MTMR3: variants seen among roughly 807,000 people sequenced by gnomAD.
MTMR3 encodes phosphatidylinositol-3,5-bisphosphate 3-phosphatase MTMR3.
In MTMR3, 32 loss-of-function variants were observed where a neutral mutation model predicts 132.4. That is an observed-to-expected ratio of 0.24 (90% CI 0.18 to 0.32). The LOEUF is 0.32. Ranked by LOEUF, MTMR3 falls within the 10% of genes least tolerant of loss-of-function variation. The pLI is 1.00. For synonymous variants in MTMR3, 556 were observed against 550.3 expected, an observed-to-expected ratio of 1.01 and a Z score of -0.14; for missense variants, 1,216 against 1,489.6, an observed-to-expected ratio of 0.82 and a Z score of 3.02.
chr22:29,955,786 C>T (rs1469546896), intron 1 of MTMR3, among the ~76,000 whole-genome samples: 1 of 152,094 alleles, frequency 6.6e-6, no homozygotes, highest in Non-Finnish European at 1.5e-5. Context: ...GAATCTCACA[C>T]TGTCGCCAAG....
At position 30,026,715 on chromosome 22, in the gene MTMR3, TCCTC is replaced by T. The variant is rs2067917956; in HGVS notation, c.*915_*918del. The stretch of plus-strand genomic sequence containing the variant: ...GGGCCTGGTCCCCTAAACAATCTCT[TCCTC>T]AGCCAGCACAGGGAAATCCAGACTC... On this transcript the variant is annotated 3_prime_UTR_variant, in exon 20 of 20. Coordinates refer to ENST00000401950, the MANE Select transcript of MTMR3 (RefSeq NM_021090.4). 6.5e-6 allele frequency: 1 copy of T among 152,832 alleles called. No individual in the cohort carries two copies. Among genetic ancestry groups the T allele is most frequent in the Non-Finnish European group, 1.5e-5 (1 of 68,140 alleles). The allele number at this position is 152,832 out of a possible 1,614,324, so 9.5% of individuals were successfully genotyped here.
intron 11 of MTMR3, chr22:30,008,445 T>G (rs2067323658): frequency 5.9e-6 from 1 of 168,582 alleles, no homozygotes; most frequent in Non-Finnish European, 1.3e-5. Context: ...AAACCTGGGG[T>G]GAAAATTGAA....
intron 1 of MTMR3, among the ~76,000 whole-genome samples, chr22:29,898,295 C>T (rs1161515278): frequency 6.6e-6 from 1 of 152,150 alleles, no homozygotes; most frequent in South Asian, 2.1e-4. Flanking sequence ...TAAATTAGCT[C>T]TTTTTCTCCC....
intron 1 of MTMR3, among the ~76,000 whole-genome samples, chr22:29,955,537 A>G (rs1182927441): frequency 7.9e-5 from 12 of 152,222 alleles, no homozygotes; most frequent in Admixed American, 7.2e-4. Context: ...ACTGGTCTTC[A>G]TACTAAATAC....
At chr22:29,982,542 A>C (rs2066769946) in intron 5 of MTMR3, 1 of 152,222 alleles carries the variant, frequency 6.6e-6, no homozygotes, top group Non-Finnish European at 1.5e-5. Flanking sequence ...AAGCCCAGAC[A>C]TACCAGCATA....
chr22:29,893,554 G>C (rs1397956677), intron 1 of MTMR3, among the ~76,000 whole-genome samples: 2 of 152,104 alleles, frequency 1.3e-5, no homozygotes. Flanking sequence ...TGTACATATG[G>C]TTGACTTACT....
At chr22:29,949,144 C>CACACACACACA (rs1491241499) in intron 1 of MTMR3, among the ~76,000 whole-genome samples, 2 of 14,100 alleles carry the variant, frequency 1.4e-4, no homozygotes, top group African/African-American at 4.8e-4. Context: ...CACACACACA[C>CACACACACACA]CCCCCCCCCC....
At chr22:29,996,515 T>G (rs778675213) in intron 7 of MTMR3, 4 of 152,146 alleles carry the variant, frequency 2.6e-5, no homozygotes, top group Non-Finnish European at 5.9e-5. Flanking sequence ...GGTGTTAATG[T>G]AAAAGATCAT....
At chr22:29,888,327 A>G (rs1489324706) in intron 1 of MTMR3, among the ~76,000 whole-genome samples, 2 of 152,126 alleles carry the variant, frequency 1.3e-5, no homozygotes, top group African/African-American at 4.8e-5. Flanking sequence ...GATTGTAGAC[A>G]TGAGCCACTG....
intron 1 of MTMR3, among the ~76,000 whole-genome samples, chr22:29,907,929 G>GTAAT (rs1461720132): frequency 1.3e-5 from 2 of 152,172 alleles, no homozygotes; most frequent in East Asian, 3.8e-4. Flanking sequence ...TCACCAAGGA[G>GTAAT]TAATGATAGA....
chr22:29,957,473 A>T (rs2066222700), intron 2 of MTMR3, among the ~76,000 whole-genome samples: 1 of 150,884 alleles, frequency 6.6e-6, no homozygotes, highest in East Asian at 1.9e-4. Flanking sequence ...ATATTTTTTG[A>T]GACAGTCTTG....
intron 1 of MTMR3, among the ~76,000 whole-genome samples, chr22:29,889,608 T>TAA (rs953883363): frequency 1.3e-5 from 2 of 149,982 alleles, no homozygotes; most frequent in African/African-American, 4.9e-5. Context: ...TAGTGTTTTT[T>TAA]AAAAAAAAAA....
rs1035946692 is a variant in MTMR3 at position 30,017,918 on chromosome 22, C to G, written c.1675-9C>G. Reference sequence around the variant, plus strand: ...GCATATTTAAACCTGTGTCCTCCCCCCTCCTCAGGTGCTGTACCCTGTGTG... The same window carrying G: ...GCATATTTAAACCTGTGTCCTCCCCGCTCCTCAGGTGCTGTACCCTGTGTG... On this transcript the variant is annotated splice_polypyrimidine_tract_variant and intron_variant, in intron 15 of 19. Coordinates refer to ENST00000401950, the MANE Select transcript of MTMR3 (RefSeq NM_021090.4). The G allele has an allele frequency of 5.0e-6, 8 of 1,612,598 alleles. No homozygotes were observed. The highest frequency in any genetic ancestry group is 4.5e-5 in the East Asian group (2 of 44,720).
intron 1 of MTMR3, among the ~76,000 whole-genome samples, chr22:29,896,684 A>T (rs1323229871): frequency 1.3e-5 from 2 of 152,214 alleles, no homozygotes; most frequent in African/African-American, 2.4e-5. Flanking sequence ...AAAATACGTT[A>T]TTAGCAAGAA....
intron 6 of MTMR3, 159 bp from the exon 7 acceptor site, chr22:29,991,345 T>C (rs187672819): frequency 6.7e-5 from 39 of 582,132 alleles, no homozygotes; most frequent in Non-Finnish European, 1.1e-4. Flanking sequence ...GTTTTTCTTA[T>C]AAGTGATAAT....
rs1278147472 is a variant in MTMR3, at chr22:29,921,841, CT to C, written c.-137-35183del. On this transcript the variant is annotated intron_variant, in intron 1 of 19. Coordinates refer to ENST00000401950, the MANE Select transcript of MTMR3 (RefSeq NM_021090.4). Reference sequence around the variant, plus strand: ...TAATGTCTTTAAGGTACATCCATGTCTTTTTTTTTTTTCTTTTTTTTTTTTG... The same window carrying C: ...TAATGTCTTTAAGGTACATCCATGTCTTTTTTTTTTTCTTTTTTTTTTTTG... Among the ~76,000 whole-genome samples, 664 of 139,648 alleles carry C rather than the reference CT, an allele frequency of 4.8e-3. 3 individuals carry two copies. Among genetic ancestry groups the C allele is most frequent in the Non-Finnish European group, 5.9e-3 (378 of 63,938 alleles). The allele number at this position is 139,648 out of a possible 152,430, so 91.6% of individuals were successfully genotyped here.
intron 5 of MTMR3, chr22:29,979,274 C>G (rs1016253805): frequency 1.4e-5 from 5 of 358,270 alleles, no homozygotes; most frequent in African/African-American, 8.6e-5. Flanking sequence ...AGGCAGATCA[C>G]GAGGTCAGGA....
chr22:29,917,558 C>A (rs2065332478), intron 1 of MTMR3, among the ~76,000 whole-genome samples: 1 of 152,142 alleles, frequency 6.6e-6, no homozygotes, highest in African/African-American at 2.4e-5. Flanking sequence ...GTTTTCTAAT[C>A]ATAATGTGCA....
chr22:30,002,925 C>T lies in MTMR3; in HGVS notation c.603C>T (p.Ile201=). 3.1e-6 allele frequency: 5 copies of T among 1,614,066 alleles called. No individual in the cohort carries two copies. Among genetic ancestry groups the T allele is most frequent in the Non-Finnish European group, 4.2e-6 (5 of 1,179,954 alleles). ...YPQELIVPAW[I]TDKELESVSS... Reference sequence around the variant, plus strand: ...AAGAGCTCATAGTGCCTGCCTGGATCACTGACAAAGAACTGGAAAGTGTAT... The same window carrying T: ...AAGAGCTCATAGTGCCTGCCTGGATTACTGACAAAGAACTGGAAAGTGTAT... The change falls in exon 9 of 20, where the codon ATC becomes ATT. Residue 201 remains isoleucine (I), a synonymous_variant. Transcript: ENST00000401950.
Sources: allele counts gnomAD v4.1 joint callset (sites outside exome capture counted in the v4.1 genomes callset), GRCh38; gene constraint gnomAD v4.1.1; transcripts MANE v1.5; gene names NCBI Gene and HGNC (gene_info 2026-07-23, HGNC 2026-07-21).